TLN2: variants seen among roughly 807,000 people sequenced by gnomAD.
The protein encoded by TLN2 is talin 2.
Under a neutral mutation model 294.7 loss-of-function variants are expected in TLN2, and 118 were observed. That is an observed-to-expected ratio of 0.40 (90% CI 0.34 to 0.47). The LOEUF (loss-of-function observed/expected upper bound fraction) is 0.47. TLN2 is among the 20% of genes least tolerant of loss of function. The pLI is 0.84. For synonymous variants in TLN2, 1,431 were observed against 1,304.5 expected, an observed-to-expected ratio of 1.10 and a Z score of -2.09; for missense variants, 3,083 against 3,282.2, an observed-to-expected ratio of 0.94 and a Z score of 1.48.
At chr15:62,673,996 C>A in intron 10 of TLN2, 106 bp downstream of exon 10, 1 of 724,864 alleles carries the variant, frequency 1.4e-6, no homozygotes, top group Non-Finnish European at 2.3e-6. Context: ...TGCCTGTACT[C>A]TGATATAATA....
chr15:62,700,697 C>G (rs1008454428), intron 16 of TLN2, among the ~76,000 whole-genome samples: 7 of 152,116 alleles, frequency 4.6e-5, no homozygotes, highest in African/African-American at 1.7e-4. Context: ...GTTGAAACAC[C>G]CTCTTTCTCA....
chr15:62,528,883 C>T (rs1444876726), intron 1 of TLN2, among the ~76,000 whole-genome samples: 2 of 152,122 alleles, frequency 1.3e-5, no homozygotes, highest in African/African-American at 4.8e-5. Flanking sequence ...GTACTTCACA[C>T]ACCTTAGGCG....
At chr15:62,459,614 T>C (rs2036678925) in intron 1 of TLN2, among the ~76,000 whole-genome samples, 1 of 152,170 alleles carries the variant, frequency 6.6e-6, no homozygotes, top group African/African-American at 2.4e-5. Flanking sequence ...ATTTTTCAGG[T>C]TGACAACATC....
chr15:62,658,618 G>C (rs2053485019), intron 9 of TLN2, among the ~76,000 whole-genome samples: 1 of 152,108 alleles, frequency 6.6e-6, no homozygotes, highest in African/African-American at 2.4e-5. Context: ...CTGAGGCTGA[G>C]GACGGCTCTG....
At chr15:62,835,669 G>A (rs1170890048) in intron 55 of TLN2, 68 bp from the exon 56 acceptor site, 13 of 1,569,796 alleles carry the variant, frequency 8.3e-6, no homozygotes, top group Admixed American at 1.7e-5. Flanking sequence ...AGCAAGGTCT[G>A]GGGATGAGGG....
chr15:62,627,829 AT>A (rs1173102240), intron 3 of TLN2, among the ~76,000 whole-genome samples: 2 of 103,682 alleles, frequency 1.9e-5, no homozygotes, highest in African/African-American at 6.4e-5. Flanking sequence ...AGTGATTTTT[AT>A]TAGGCAATTT....
intron 11 of TLN2, among the ~76,000 whole-genome samples, chr15:62,682,193 A>T (rs2056896785): frequency 6.6e-6 from 1 of 152,268 alleles, no homozygotes; most frequent in Non-Finnish European, 1.5e-5. Flanking sequence ...AAGCAGCCAT[A>T]GGCAAAATGT....
At chr15:62,485,850 C>T (rs1454390935) in intron 1 of TLN2, among the ~76,000 whole-genome samples, 1 of 152,098 alleles carries the variant, frequency 6.6e-6, no homozygotes, top group Non-Finnish European at 1.5e-5. Context: ...AGAGGGGCAC[C>T]ATCACCTGGG....
intron 14 of TLN2, among the ~76,000 whole-genome samples, chr15:62,697,035 A>C (rs2058388372): frequency 6.6e-6 from 1 of 152,240 alleles, no homozygotes; most frequent in Non-Finnish European, 1.5e-5. Flanking sequence ...TTATTTACCA[A>C]AAATAATATA....
At chr15:62,800,078 G>T (rs1239288670) in intron 48 of TLN2, among the ~76,000 whole-genome samples, 1 of 152,184 alleles carries the variant, frequency 6.6e-6, no homozygotes, top group East Asian at 1.9e-4. Context: ...GCTGTCAGAG[G>T]CAGCTCATCG....
chr15:62,673,330 C>CTTTTTTTTTTTTTTT (rs2055712894), intron 9 of TLN2, among the ~76,000 whole-genome samples: 1 of 8,002 alleles, frequency 1.2e-4, no homozygotes, highest in African/African-American at 3.0e-4. Context: ...TTTTTTTTTG[C>CTTTTTTTTTTTTTTT]AATTTCATGT....
intron 1 of TLN2, among the ~76,000 whole-genome samples, chr15:62,518,699 G>A (rs1374657567): frequency 2.0e-5 from 3 of 152,082 alleles, no homozygotes; most frequent in Non-Finnish European, 2.9e-5. Flanking sequence ...CCAGCTTCAA[G>A]CAATTCTCCT....
intron 13 of TLN2, among the ~76,000 whole-genome samples, chr15:62,693,662 A>G (rs1228257833): frequency 6.6e-6 from 1 of 152,104 alleles, no homozygotes; most frequent in Non-Finnish European, 1.5e-5. Context: ...ATAGAAAAAC[A>G]GATTTCTTAA....
At chr15:62,570,362 G>C (rs2043765351) in intron 1 of TLN2, among the ~76,000 whole-genome samples, 1 of 152,156 alleles carries the variant, frequency 6.6e-6, no homozygotes, top group South Asian at 2.1e-4. Context: ...TATTTGTCTT[G>C]GCAGTTGTAG....
intron 16 of TLN2, among the ~76,000 whole-genome samples, chr15:62,699,918 A>G (rs932754135): frequency 5.9e-5 from 9 of 152,168 alleles, no homozygotes; most frequent in African/African-American, 2.2e-4. Context: ...AGGGTTGACA[A>G]CCACTGTTGT....
At chr15:62,773,035 T>G (rs1425395033) in intron 42 of TLN2, among the ~76,000 whole-genome samples, 4 of 152,026 alleles carry the variant, frequency 2.6e-5, no homozygotes, top group African/African-American at 9.7e-5. Context: ...AATTTTATTT[T>G]CTCTCAAGGA....
chr15:62,470,402 TC>T (rs767791612), intron 1 of TLN2, among the ~76,000 whole-genome samples: 16 of 152,224 alleles, frequency 1.1e-4, no homozygotes, highest in South Asian at 2.1e-4. Context: ...AATGGCGAGT[TC>T]CCTTAAGTCA....
In TLN2 at chr15:62,797,273, G is replaced by A. The variant is rs147453485; in HGVS notation, c.6105G>A (p.Val2035=). Residue 2035 remains valine, a synonymous_variant, in exon 48 of 59, where the codon GTG becomes GTA. Transcript: ENST00000636159. ...TGGTAGAAGACACGAAACTACTTGTGTCAGGAGCTGCGTCCACTCCTGACA... is the reference window on the plus strand; with the variant it reads ...TGGTAGAAGACACGAAACTACTTGTATCAGGAGCTGCGTCCACTCCTGACA... The part of the protein sequence containing the change: ...KALVEDTKLL[V]SGAASTPDKL... 1 of 1,613,976 alleles carries A rather than the reference G, an allele frequency of 6.2e-7. No individual in the cohort carries two copies. Among genetic ancestry groups the A allele is most frequent in the African/African-American group, 1.3e-5 (1 of 75,036 alleles).
At chr15:62,447,317 G>C (rs2035872940) in intron 1 of TLN2, among the ~76,000 whole-genome samples, 2 of 152,004 alleles carry the variant, frequency 1.3e-5, no homozygotes, top group Admixed American at 6.6e-5. Context: ...CGAGGTAGTG[G>C]GTCCAGAACG....
Sources: gnomAD v4.1 joint callset for allele counts (sites outside exome capture counted in the v4.1 genomes callset) on GRCh38, gnomAD v4.1.1 for gene constraint, MANE v1.5 for transcripts, NCBI Gene and HGNC (gene_info 2026-07-23, HGNC 2026-07-21) for gene names.